The following VPS13C variants were observed in gnomAD, a reference collection of about 807,000 sequenced individuals.
VPS13C encodes intermembrane lipid transfer protein VPS13C.
Under a neutral mutation model 456.8 loss-of-function variants are expected in VPS13C, and 358 were observed. The ratio of observed to expected loss-of-function variants is 0.78; its 90% confidence interval spans 0.72 to 0.86. The LOEUF (loss-of-function observed/expected upper bound fraction) is 0.86. Among genes scored for constraint, VPS13C ranks in the 40% least tolerant of loss-of-function variants. The pLI, the probability that VPS13C is intolerant of heterozygous loss-of-function variation, is 0.00. For synonymous variants in VPS13C, 1,578 were observed against 1,486.7 expected, an observed-to-expected ratio of 1.06 and a Z score of -1.41; for missense variants, 4,818 against 4,385.4, an observed-to-expected ratio of 1.10 and a Z score of -2.79.
At chr15:61,920,385 C>T in intron 56 of VPS13C, 54 bp from the exon 57 acceptor site, 1 of 1,516,692 alleles carries the variant, frequency 6.6e-7, no homozygotes, top group East Asian at 2.3e-5. Flanking sequence ...ACATTCTTCC[C>T]AAAACCTATA....
rs1372579589 is a variant in VPS13C, at chr15:61,964,777, C to T, written c.3136G>A (p.Asp1046Asn). The change falls in exon 31 of 85, where the codon GAT (aspartate) becomes AAT (asparagine). Residue 1046 changes from aspartate to asparagine, a missense_variant. Asp to Asn is a conservative substitution (Grantham distance 23). Transcript: ENST00000644861. Reference sequence around the variant, plus strand: ...TTAGCAACACTTATGCTTTGATCATCAGATGGAATAATGGTTGTGAGGTAA... The same window carrying T: ...TTAGCAACACTTATGCTTTGATCATTAGATGGAATAATGGTTGTGAGGTAA... ...INYLTTIIPS[D>N]DQSISVAKEV... 1.2e-6 allele frequency: 2 copies of T among 1,612,548 alleles called. No individual in the cohort carries two copies. The highest frequency in any genetic ancestry group is 2.7e-5 in the African/African-American group (2 of 74,840).
In VPS13C at chr15:61,963,942, G is replaced by C; in HGVS notation, c.3224C>G (p.Ser1075Cys). 1.3e-6 allele frequency: 2 copies of C among 1,594,848 alleles called. No homozygotes were observed. The highest frequency in any genetic ancestry group is 1.7e-6 in the Non-Finnish European group (2 of 1,165,008). ...KNSTLPKAIV[S>C]SRDSDIIDFR... ...ATCAATAATGTCACTATCTCTGGAGGATACAATCGCTAAAAATAAAACAAA... is the reference window on the plus strand; with the variant it reads ...ATCAATAATGTCACTATCTCTGGAGCATACAATCGCTAAAAATAAAACAAA... The change falls in exon 32 of 85, where the codon TCC (serine) becomes TGC (cysteine). Residue 1075 changes from serine (S) to cysteine (C), a missense_variant. Ser to Cys is a moderately radical substitution (Grantham distance 112, BLOSUM62 -1). Around this residue, in one of 3 missense-constraint regions of VPS13C, gnomAD observed 4,552 missense variants for 4,130.6 expected, o/e 1.10. Transcript: ENST00000644861.
intron 1 of VPS13C, among the ~76,000 whole-genome samples, chr15:62,057,900 C>T (rs2048852221): frequency 1.3e-5 from 2 of 152,140 alleles, no homozygotes; most frequent in Non-Finnish European, 2.9e-5. Context: ...TTACCTAGTC[C>T]AACCTCCAAT....
chr15:62,015,266 A>G (rs2047190856), intron 9 of VPS13C, among the ~76,000 whole-genome samples: 3 of 152,164 alleles, frequency 2.0e-5, no homozygotes, highest in African/African-American at 7.2e-5. Flanking sequence ...TTTTGGAAAC[A>G]GGCAAAGGAT....
intron 67 of VPS13C, among the ~76,000 whole-genome samples, chr15:61,887,683 T>C (rs762638076): frequency 1.3e-5 from 2 of 151,976 alleles, no homozygotes; most frequent in Non-Finnish European, 2.9e-5. Context: ...AGAGTGACAC[T>C]CTGTCTCAAA....
intron 5 of VPS13C, among the ~76,000 whole-genome samples, chr15:62,030,064 G>A (rs2047760220): frequency 6.6e-6 from 1 of 151,966 alleles, no homozygotes; most frequent in Non-Finnish European, 1.5e-5. Context: ...AGTTCAGAGG[G>A]GGATCTCCAA....
chr15:61,890,518 T>C, intron 66 of VPS13C, 118 bp from the exon 67 acceptor site: 3 of 817,422 alleles, frequency 3.7e-6, no homozygotes, highest in South Asian at 3.8e-5. Flanking sequence ...AATTGAAAAA[T>C]TCTAACCATC....
At chr15:62,011,050 AG>A (rs1271065717) in intron 12 of VPS13C, among the ~76,000 whole-genome samples, 2 of 152,186 alleles carry the variant, frequency 1.3e-5, no homozygotes, top group Admixed American at 6.5e-5. Context: ...TTCCAAAAAA[AG>A]AAACTGCTCA....
chr15:61,867,373 A>G lies in VPS13C; in HGVS notation c.10863+1286T>C. On this transcript the variant is annotated intron_variant, in intron 81 of 84. Coordinates refer to ENST00000644861, the MANE Select transcript of VPS13C (RefSeq NM_020821.3). This position sits in a 1 kb window ranked among gnomAD's most constrained non-coding sequence, Gnocchi z 5.0. ...AAGAGGAAACATATCCTCAAAATTC[A>G]TGTGCCAACTATTTATTACTTGAGG... 1 of 985,468 alleles carries G rather than the reference A, an allele frequency of 1.0e-6. No individual in the cohort carries two copies. The highest frequency in any genetic ancestry group is 1.2e-6 in the Non-Finnish European group (1 of 829,972). 61.0% of individuals were successfully genotyped at this position (985,468 alleles called of 1,614,324 possible).
chr15:61,967,561 A>G, intron 28 of VPS13C, 114 bp from the exon 29 acceptor site: 1 of 800,056 alleles, frequency 1.2e-6, no homozygotes, highest in Non-Finnish European at 2.0e-6. Context: ...AAATCTTTGC[A>G]TATTGTCATA....
In VPS13C at chr15:61,933,577, G is replaced by T. The variant is rs564083375; in HGVS notation, c.5868+642C>A. ...ATACGGAATATGGATATTAAAATAT[G>T]CCATATGTATTATAGGTATTAATGT... is the stretch of plus-strand genomic sequence containing the variant. On this transcript the variant is annotated intron_variant, in intron 49 of 84. Transcript: ENST00000644861. Among the ~76,000 whole-genome samples, 67 of 151,960 alleles carry T rather than the reference G, an allele frequency of 4.4e-4. 1 individual carries two copies. Among genetic ancestry groups the T allele is most frequent in the African/African-American group, 1.4e-3 (59 of 41,482 alleles).
intron 1 of VPS13C, among the ~76,000 whole-genome samples, chr15:62,058,937 AAAAACAAC>A (rs1157641582): frequency 0.01 from 1,586 of 152,038 alleles, 34 homozygotes; most frequent in African/African-American, 0.037. Context: ...GCCAAAAAAA[AAAAACAAC>A]AACAACAACA....
intron 35 of VPS13C, 37 bp from the exon 36 acceptor site, chr15:61,959,632 T>C (rs1327902660): frequency 2.5e-6 from 4 of 1,588,626 alleles, no homozygotes; most frequent in Admixed American, 1.7e-5. Context: ...TGCATAGATA[T>C]AGGGTAGAAA....
intron 15 of VPS13C, among the ~76,000 whole-genome samples, chr15:62,001,506 T>C (rs571933480): frequency 1.3e-5 from 2 of 152,188 alleles, no homozygotes; most frequent in African/African-American, 2.4e-5. Flanking sequence ...TATTTGTTTG[T>C]TCGTATTTAC....
chr15:61,987,089 C>T (rs1302248649), intron 18 of VPS13C, among the ~76,000 whole-genome samples: 2 of 151,720 alleles, frequency 1.3e-5, no homozygotes, highest in African/African-American at 4.8e-5. Context: ...CAATTTTCCC[C>T]ATAATAATTT....
intron 84 of VPS13C, 60 bp from the exon 85 acceptor site, chr15:61,854,618 G>C: frequency 6.4e-7 from 1 of 1,559,384 alleles, no homozygotes; most frequent in Non-Finnish European, 8.8e-7. Flanking sequence ...TTTGGTTGAA[G>C]GGAAAGGTAT....
At chr15:61,878,185 G>A (rs1357235659) in intron 74 of VPS13C, among the ~76,000 whole-genome samples, 1 of 151,064 alleles carries the variant, frequency 6.6e-6, no homozygotes, top group African/African-American at 2.4e-5. Context: ...AGGTAAAAAT[G>A]ATCTACAGGG....
intron 1 of VPS13C, among the ~76,000 whole-genome samples, chr15:62,045,048 A>C (rs1432050199): frequency 6.6e-6 from 1 of 152,140 alleles, no homozygotes; most frequent in African/African-American, 2.4e-5. Flanking sequence ...TTTTTCAATC[A>C]AGTAACTTTT....
intron 13 of VPS13C, among the ~76,000 whole-genome samples, chr15:62,010,007 G>A (rs959786040): frequency 6.6e-6 from 1 of 152,036 alleles, no homozygotes; most frequent in Admixed American, 6.6e-5. Flanking sequence ...CTAACACAGT[G>A]AAACGCCATC....
Sources: allele counts gnomAD v4.1 joint callset (sites outside exome capture counted in the v4.1 genomes callset), GRCh38; gene constraint gnomAD v4.1.1; regional missense constraint gnomAD v4.1.1; non-coding constraint Gnocchi (gnomAD v3.1); transcripts MANE v1.5; gene names NCBI Gene and HGNC (gene_info 2026-07-23, HGNC 2026-07-21).